EVI5: variants seen among roughly 807,000 people sequenced by gnomAD.
EVI5 encodes ecotropic viral integration site 5.
In EVI5, 73 loss-of-function variants were observed where a neutral mutation model predicts 112.0. That is an observed-to-expected ratio of 0.65 (90% CI 0.54 to 0.79). The LOEUF (loss-of-function observed/expected upper bound fraction) is 0.79. Ranked by LOEUF, EVI5 falls within the 30% of genes least tolerant of loss-of-function variation. The pLI, the probability that EVI5 is intolerant of heterozygous loss-of-function variation, is 0.00. For synonymous variants in EVI5, 305 were observed against 319.9 expected (o/e 0.95, Z 0.50); for missense variants, 900 against 968.8 (o/e 0.93, Z 0.94).
At chr1:92,683,838 A>T (rs762744522) in intron 9 of EVI5, among the ~76,000 whole-genome samples, 9 of 152,202 alleles carry the variant, frequency 5.9e-5, no homozygotes, top group Non-Finnish European at 1.2e-4. Context: ...AAACGAAAAG[A>T]CAAGATGAGA....
At chr1:92,773,480 G>A (rs1487750980) in intron 1 of EVI5, among the ~76,000 whole-genome samples, 1 of 152,044 alleles carries the variant, frequency 6.6e-6, no homozygotes, top group African/African-American at 2.4e-5. Context: ...AACAGAGCAA[G>A]ACCCCCAAAA....
intron 18 of EVI5, among the ~76,000 whole-genome samples, chr1:92,597,414 C>A (rs528353943): frequency 6.6e-6 from 1 of 152,260 alleles, no homozygotes; most frequent in South Asian, 2.1e-4. Flanking sequence ...TTAATACCAA[C>A]AATAAATATA....
chr1:92,707,831 T>C (rs1672246161), intron 2 of EVI5, among the ~76,000 whole-genome samples: 1 of 152,132 alleles, frequency 6.6e-6, no homozygotes, highest in Non-Finnish European at 1.5e-5. Context: ...TTATTCACAA[T>C]AGCCCCAAAC....
intron 18 of EVI5, among the ~76,000 whole-genome samples, chr1:92,586,009 A>G (rs1474827854): frequency 1.3e-5 from 2 of 152,112 alleles, no homozygotes; most frequent in African/African-American, 4.8e-5. Flanking sequence ...GTATTTTGTA[A>G]GATCTCCACA....
chr1:92,561,326 G>A (rs1668491032), intron 19 of EVI5, among the ~76,000 whole-genome samples: 1 of 151,876 alleles, frequency 6.6e-6, no homozygotes, highest in Non-Finnish European at 1.5e-5. Flanking sequence ...AAATAAAAAT[G>A]CTTTAAAGGT....
intron 16 of EVI5, among the ~76,000 whole-genome samples, chr1:92,609,880 G>GT (rs946617732): frequency 0.016 from 2,237 of 137,774 alleles, 27 homozygotes; most frequent in Non-Finnish European, 0.022. Flanking sequence ...TCTCTTTTTT[G>GT]TTTTTTTTTT....
At chr1:92,534,360 G>GT (rs1444509398) in intron 19 of EVI5, among the ~76,000 whole-genome samples, 1 of 152,136 alleles carries the variant, frequency 6.6e-6, no homozygotes, top group Non-Finnish European at 1.5e-5. Context: ...ACTGCCCAAA[G>GT]TAATTTCTAG....
At chr1:92,662,957 T>TAAAAAA in intron 12 of EVI5, 92 bp from the exon 13 acceptor site, 1 of 305,974 alleles carries the variant, frequency 3.3e-6, no homozygotes, top group South Asian at 9.6e-5. Context: ...TTTGACATGT[T>TAAAAAA]AAAAAAAAAA....
intron 18 of EVI5, among the ~76,000 whole-genome samples, 178 bp downstream of exon 18, chr1:92,605,129 C>T (rs1650076592): frequency 6.6e-6 from 1 of 151,724 alleles, no homozygotes; most frequent in Non-Finnish European, 1.5e-5. Context: ...TGCTGCAGAA[C>T]TGTATACTTT....
At chr1:92,643,333 T>C (rs1660348271) in intron 13 of EVI5, among the ~76,000 whole-genome samples, 1 of 148,188 alleles carries the variant, frequency 6.7e-6, no homozygotes, top group African/African-American at 2.5e-5. Context: ...AGGGTCTTGC[T>C]CTGTCACCCA....
At chr1:92,698,090 G>C in intron 5 of EVI5, 105 bp from the exon 6 acceptor site, 1 of 999,962 alleles carries the variant, frequency 1.0e-6, no homozygotes, top group Non-Finnish European at 1.5e-6. Flanking sequence ...CATTGTTTGA[G>C]TGGCTGTGTG....
intron 1 of EVI5, chr1:92,784,335 A>C: frequency 1.5e-5 from 15 of 985,400 alleles, no homozygotes; most frequent in Non-Finnish European, 1.8e-5. Flanking sequence ...TCTCAAGTTC[A>C]TTCTGGACCT....
intron 10 of EVI5, among the ~76,000 whole-genome samples, chr1:92,675,638 T>A (rs1283012303): frequency 6.6e-6 from 1 of 152,096 alleles, no homozygotes; most frequent in Non-Finnish European, 1.5e-5. Context: ...GCAGTAAAAG[T>A]ACCCTTACTC....
At chr1:92,703,862 G>C in intron 3 of EVI5, 1 of 306,876 alleles carries the variant, frequency 3.3e-6, no homozygotes. Flanking sequence ...ACCTCTTAAG[G>C]TAATGGACTT....
chr1:92,588,014 C>T (rs1168034063), intron 18 of EVI5, among the ~76,000 whole-genome samples: 2 of 152,086 alleles, frequency 1.3e-5, no homozygotes, highest in South Asian at 2.1e-4. Flanking sequence ...ATGTTTTGTT[C>T]TACTCCATGG....
intron 2 of EVI5, among the ~76,000 whole-genome samples, chr1:92,733,987 TTTTCTCTTACAAGACA>T (rs1428996200): frequency 6.6e-6 from 1 of 152,154 alleles, no homozygotes; most frequent in Non-Finnish European, 1.5e-5. Context: ...GAAACTTCAG[TTTTCTCTTACAAGACA>T]CATGTACCAT....
chr1:92,522,222 T>G (rs1334687102), intron 19 of EVI5, among the ~76,000 whole-genome samples: 1 of 152,166 alleles, frequency 6.6e-6, no homozygotes, highest in African/African-American at 2.4e-5. Context: ...TTCAGAGCCG[T>G]CTTATTCTTT....
At chr1:92,590,431 G>A (rs1673620320) in intron 18 of EVI5, among the ~76,000 whole-genome samples, 1 of 152,164 alleles carries the variant, frequency 6.6e-6, no homozygotes, top group African/African-American at 2.4e-5. Flanking sequence ...GGAGCTGATG[G>A]AGCTGAAAAC....
intron 19 of EVI5, among the ~76,000 whole-genome samples, chr1:92,537,605 T>C (rs1664106814): frequency 6.6e-6 from 1 of 152,120 alleles, no homozygotes; most frequent in Admixed American, 6.5e-5. Flanking sequence ...TTCTCAATTA[T>C]CAGCTTCTTT....
Sources: gnomAD v4.1 joint callset for allele counts (sites outside exome capture counted in the v4.1 genomes callset) on GRCh38, gnomAD v4.1.1 for gene constraint, MANE v1.5 for transcripts, NCBI Gene and HGNC (gene_info 2026-07-23, HGNC 2026-07-21) for gene names.